The following ZBTB20 variants were observed in gnomAD, a reference collection of about 807,000 sequenced individuals.
ZBTB20 encodes zinc finger and BTB domain-containing protein 20.
Under a neutral mutation model 56.9 loss-of-function variants are expected in ZBTB20, and 9 were observed. The ratio of observed to expected loss-of-function variants is 0.16; its 90% CI spans 0.10 to 0.28. The LOEUF (loss-of-function observed/expected upper bound fraction) is 0.28, where lower values mean the gene tolerates loss of function less well. ZBTB20 is among the 10% of genes least tolerant of loss of function. The pLI is 1.00. For missense variants in ZBTB20, 655 were observed against 1,003.0 expected (o/e 0.65, Z 4.69); for synonymous variants, 417 against 420.7 (o/e 0.99, Z 0.11).
At chr3:114,813,528 A>G (rs1489060851) in intron 4 of ZBTB20, among the ~76,000 whole-genome samples, 1 of 152,206 alleles carries the variant, frequency 6.6e-6, no homozygotes, top group Non-Finnish European at 1.5e-5. Context: ...AGATGGGTAG[A>G]TCACTTGAGT....
intron 4 of ZBTB20, among the ~76,000 whole-genome samples, chr3:114,814,592 T>C (rs1457771841): frequency 6.6e-6 from 1 of 152,194 alleles, no homozygotes; most frequent in African/African-American, 2.4e-5. Context: ...CAAAGTAACA[T>C]ATTTGTATCA....
At chr3:114,594,654 A>G (rs937227287) in intron 6 of ZBTB20, among the ~76,000 whole-genome samples, 1 of 152,220 alleles carries the variant, frequency 6.6e-6, no homozygotes, top group Admixed American at 6.5e-5. Context: ...CAGATAATGT[A>G]TAGTCATAAA....
At chr3:114,819,913 AC>A (rs754572751) in intron 4 of ZBTB20, among the ~76,000 whole-genome samples, 32 of 152,080 alleles carry the variant, frequency 2.1e-4, no homozygotes, top group Non-Finnish European at 4.1e-4. Flanking sequence ...CATGTAAAAA[AC>A]ATTCTAGTTC....
At chr3:114,995,525 T>C (rs2108179957) in intron 2 of ZBTB20, among the ~76,000 whole-genome samples, 1 of 151,944 alleles carries the variant, frequency 6.6e-6, no homozygotes, top group South Asian at 2.1e-4. Context: ...CAAAAAATCA[T>C]ATAAAGACCC....
chr3:115,051,556 G>C (rs966869542), intron 2 of ZBTB20, among the ~76,000 whole-genome samples: 1 of 152,086 alleles, frequency 6.6e-6, no homozygotes, highest in Non-Finnish European at 1.5e-5. Context: ...AAATTGTTGG[G>C]ACAGGAATTA....
At chr3:114,634,922 A>T (rs2059172731) in intron 6 of ZBTB20, among the ~76,000 whole-genome samples, 1 of 152,200 alleles carries the variant, frequency 6.6e-6, no homozygotes, top group Non-Finnish European at 1.5e-5. Context: ...GATGCGTAGG[A>T]GCAAAGAAAT....
intron 4 of ZBTB20, among the ~76,000 whole-genome samples, chr3:114,884,772 A>T (rs2076540728): frequency 6.6e-6 from 1 of 152,204 alleles, no homozygotes; most frequent in Non-Finnish European, 1.5e-5. Flanking sequence ...AAATAAGTTT[A>T]ACCCTTCATT....
At chr3:114,781,038 C>A (rs1417220872) in intron 5 of ZBTB20, among the ~76,000 whole-genome samples, 1 of 152,078 alleles carries the variant, frequency 6.6e-6, no homozygotes, top group Non-Finnish European at 1.5e-5. Context: ...AAAAAACAAA[C>A]ATTTTTAAGA....
At chr3:114,354,712 G>A (rs2081053906) in intron 10 of ZBTB20, among the ~76,000 whole-genome samples, 1 of 151,746 alleles carries the variant, frequency 6.6e-6, no homozygotes, top group African/African-American at 2.4e-5. Flanking sequence ...CTCTCGAGTA[G>A]CTGGGATTAC....
intron 7 of ZBTB20, among the ~76,000 whole-genome samples, chr3:114,464,449 T>C (rs1369420164): frequency 2.0e-5 from 3 of 152,204 alleles, no homozygotes; most frequent in Admixed American, 6.5e-5. Flanking sequence ...GGAGGCTCTA[T>C]GTACTATGGT....
chr3:115,100,725 T>A (rs1435228503), intron 1 of ZBTB20: 1 of 152,214 alleles, frequency 6.6e-6, no homozygotes, highest in Non-Finnish European at 1.5e-5. Context: ...CATAAATACA[T>A]TTTTTGCATA....
intron 4 of ZBTB20, among the ~76,000 whole-genome samples, chr3:114,824,020 CTT>C (rs1294482277): frequency 6.6e-6 from 1 of 151,950 alleles, no homozygotes; most frequent in Admixed American, 6.6e-5. Context: ...GTTAGACAAA[CTT>C]TGAGTGCCAG....
chr3:115,036,832 G>A (rs1298309601), intron 2 of ZBTB20, among the ~76,000 whole-genome samples: 1 of 152,100 alleles, frequency 6.6e-6, no homozygotes, highest in South Asian at 2.1e-4. Flanking sequence ...TTGGCCCTGA[G>A]ACTGAAAAAT....
chr3:114,487,744 T>C (rs963088178), intron 7 of ZBTB20, among the ~76,000 whole-genome samples: 10 of 152,226 alleles, frequency 6.6e-5, no homozygotes, highest in African/African-American at 2.4e-4. Context: ...GTGTGGTATT[T>C]CCAATTCTCT....
chr3:115,020,220 T>C (rs1039399103), intron 2 of ZBTB20, among the ~76,000 whole-genome samples: 5 of 151,148 alleles, frequency 3.3e-5, no homozygotes, highest in Non-Finnish European at 7.4e-5. Flanking sequence ...TAGTGTTTTA[T>C]TGCTTATTCA....
At chr3:114,455,510 G>A (rs1249946766) in intron 7 of ZBTB20, among the ~76,000 whole-genome samples, 2 of 152,056 alleles carry the variant, frequency 1.3e-5, no homozygotes, top group Admixed American at 6.6e-5. Context: ...AGGGGTTTTC[G>A]TGTAATGTGT....
chr3:114,586,562 C>G (rs769109573), intron 6 of ZBTB20, among the ~76,000 whole-genome samples: 2 of 152,182 alleles, frequency 1.3e-5, no homozygotes, highest in African/African-American at 4.8e-5. Context: ...TGACTTCTCT[C>G]TATACCTTGT....
chr3:114,993,814 G>A (rs978365548), intron 2 of ZBTB20, among the ~76,000 whole-genome samples: 8 of 151,570 alleles, frequency 5.3e-5, no homozygotes, highest in Non-Finnish European at 7.4e-5. Context: ...TTTTAAATAC[G>A]TAAAATTAAT....
chr3:114,837,157 C>T (rs2074161709), intron 4 of ZBTB20, among the ~76,000 whole-genome samples: 1 of 152,156 alleles, frequency 6.6e-6, no homozygotes, highest in South Asian at 2.1e-4. Flanking sequence ...AAGGTCTTTC[C>T]TTGTGTGGCC....
Sources: gnomAD v4.1 joint callset for allele counts (sites outside exome capture counted in the v4.1 genomes callset) on GRCh38, gnomAD v4.1.1 for gene constraint, MANE v1.5 for transcripts, NCBI Gene and HGNC (gene_info 2026-07-23, HGNC 2026-07-21) for gene names.